Variants in IL1RAPL1 observed in about 807,000 individuals in gnomAD.
IL1RAPL1 encodes the protein interleukin 1 receptor accessory protein like 1.
Under a neutral mutation model 48.4 loss-of-function variants are expected in IL1RAPL1, and 3 were observed. The ratio of observed to expected loss-of-function variants is 0.06; its 90% confidence interval spans 0.03 to 0.16. The LOEUF (loss-of-function observed/expected upper bound fraction) is 0.16. Among genes scored for constraint, IL1RAPL1 ranks in the 10% least tolerant of loss-of-function variants. IL1RAPL1 has a pLI of 1.00. For missense variants in IL1RAPL1, 349 were observed against 530.6 expected, an observed-to-expected ratio of 0.66 and a Z score of 3.36; for synonymous variants, 185 against 187.7, an observed-to-expected ratio of 0.99 and a Z score of 0.12.
At chrX:29,399,570 C>T (rs1173969778) in intron 5 of IL1RAPL1, among the ~76,000 whole-genome samples, 1 of 111,531 alleles carries the variant, frequency 9.0e-6, no homozygotes, top group Admixed American at 9.5e-5. Flanking sequence ...CCTGTAATCC[C>T]AGCACTTTGG....
rs915371621 is a variant in IL1RAPL1, at chrX:29,251,538, T to A, written c.83-31400T>A. On this transcript the variant is annotated intron_variant, in intron 2 of 10. Coordinates refer to ENST00000378993, the MANE Select transcript of IL1RAPL1 (RefSeq NM_014271.4). ...CCATATACATCTGTCTACATAGATA[T>A]AGATTATAATGTTATATTATAGGAT... Among the ~76,000 whole-genome samples the A allele has an allele frequency of 3.6e-5, 4 of 111,472 alleles. No individual in the cohort carries two copies. The South Asian group carries it at 1.5e-3, about 42-fold the overall frequency.
At chrX:28,998,308 T>TC (rs1355959519) in intron 2 of IL1RAPL1, among the ~76,000 whole-genome samples, 1 of 111,397 alleles carries the variant, frequency 9.0e-6, no homozygotes, top group Non-Finnish European at 1.9e-5. Context: ...AAAGTGAACT[T>TC]CAACACAATT....
At chrX:28,693,627 A>G (rs1935201755) in intron 1 of IL1RAPL1, among the ~76,000 whole-genome samples, 1 of 112,271 alleles carries the variant, frequency 8.9e-6, no homozygotes, top group Non-Finnish European at 1.9e-5. Context: ...TCAAGTATTA[A>G]ATTGGATGAA....
intron 1 of IL1RAPL1, among the ~76,000 whole-genome samples, chrX:28,588,540 A>G (rs1933874398): frequency 8.9e-6 from 1 of 112,252 alleles, no homozygotes; most frequent in Admixed American, 9.4e-5. Flanking sequence ...TGCATTTCAC[A>G]GCCGCAATGG....
chrX:29,320,332 ATC>A (rs1468044859), intron 3 of IL1RAPL1, among the ~76,000 whole-genome samples: 2 of 112,238 alleles, frequency 1.8e-5, no homozygotes, highest in Non-Finnish European at 3.8e-5. Context: ...CCACTGCCTT[ATC>A]TATTAATTAT....
chrX:28,811,290 A>G (rs1460457145), intron 2 of IL1RAPL1, among the ~76,000 whole-genome samples: 1 of 111,106 alleles, frequency 9.0e-6, no homozygotes, highest in Admixed American at 9.6e-5. Context: ...GGGGCATAAT[A>G]AAGTTGCCAA....
intron 5 of IL1RAPL1, among the ~76,000 whole-genome samples, chrX:29,549,910 C>A (rs1230882868): frequency 8.9e-6 from 1 of 111,840 alleles, no homozygotes; most frequent in Non-Finnish European, 1.9e-5. Flanking sequence ...TGTTCAATCC[C>A]ACCATTTAAG....
intron 8 of IL1RAPL1, among the ~76,000 whole-genome samples, chrX:29,920,556 A>T (rs2147240183): frequency 9.1e-6 from 1 of 110,159 alleles, no homozygotes; most frequent in African/African-American, 3.3e-5. Context: ...GCACTGTGGG[A>T]GGCCAAGGCA....
chrX:29,387,765 G>A, intron 3 of IL1RAPL1, among the ~76,000 whole-genome samples: 1 of 111,253 alleles, frequency 9.0e-6, no homozygotes, highest in Non-Finnish European at 1.9e-5. Context: ...GGCCAAGGTG[G>A]GTGGATCATT....
intron 6 of IL1RAPL1, among the ~76,000 whole-genome samples, chrX:29,741,456 T>A (rs1928194725): frequency 9.0e-6 from 1 of 111,477 alleles, no homozygotes; most frequent in Non-Finnish European, 1.9e-5. Flanking sequence ...TAAACAATGC[T>A]TGGTAGGTTT....
intron 8 of IL1RAPL1, among the ~76,000 whole-genome samples, chrX:29,924,434 G>A (rs1932869538): frequency 8.9e-6 from 1 of 112,343 alleles, no homozygotes; most frequent in African/African-American, 3.2e-5. Context: ...ATTTAATGAT[G>A]ACTAAGAACC....
At chrX:28,920,384 A>C (rs1923587028) in intron 2 of IL1RAPL1, among the ~76,000 whole-genome samples, 1 of 111,986 alleles carries the variant, frequency 8.9e-6, no homozygotes, top group South Asian at 3.7e-4. Context: ...GGGTGTTTGC[A>C]GCAGAGTTGT....
intron 4 of IL1RAPL1, 48 bp downstream of exon 4, chrX:29,396,492 C>T (rs376346529): frequency 9.1e-7 from 1 of 1,096,840 alleles, no homozygotes; most frequent in African/African-American, 1.8e-5. Context: ...TTAATTGTGC[C>T]TTATATTCTG....
At chrX:29,918,153 A>AAAAAAAAAAAT (rs1569203085) in intron 7 of IL1RAPL1, among the ~76,000 whole-genome samples, 1 of 71,242 alleles carries the variant, frequency 1.4e-5, no homozygotes, top group Admixed American at 1.8e-4. Flanking sequence ...AAATATATAT[A>AAAAAAAAAAAT]TATATATATA....
intron 6 of IL1RAPL1, among the ~76,000 whole-genome samples, chrX:29,850,204 T>C (rs761215794): frequency 1.9e-4 from 21 of 112,341 alleles, no homozygotes; most frequent in Non-Finnish European, 3.6e-4. Context: ...AAATTCTTCC[T>C]TTCTGCCCAC....
At chrX:28,774,137 A>C (rs746897558) in intron 1 of IL1RAPL1, among the ~76,000 whole-genome samples, 1 of 111,623 alleles carries the variant, frequency 9.0e-6, no homozygotes, top group East Asian at 2.8e-4. Context: ...CAAGACCTCA[A>C]TCCTGAGCCC....
intron 5 of IL1RAPL1, among the ~76,000 whole-genome samples, chrX:29,608,960 T>C (rs1336301548): frequency 8.9e-6 from 1 of 112,406 alleles, no homozygotes; most frequent in Non-Finnish European, 1.9e-5. Context: ...AAGAAGGGTT[T>C]ATTTAAGAAA....
chrX:28,963,832 A>G (rs937080086), intron 2 of IL1RAPL1, among the ~76,000 whole-genome samples: 12 of 111,175 alleles, frequency 1.1e-4, no homozygotes, highest in Non-Finnish European at 2.1e-4. Context: ...TAATTGTGGT[A>G]AAATACACAA....
intron 5 of IL1RAPL1, among the ~76,000 whole-genome samples, chrX:29,550,831 G>A (rs950983202): frequency 1.8e-5 from 2 of 111,778 alleles, no homozygotes; most frequent in Non-Finnish European, 3.8e-5. Flanking sequence ...GTAAATAATC[G>A]CATAACATAA....
Sources: allele counts gnomAD v4.1 joint callset (sites outside exome capture counted in the v4.1 genomes callset), GRCh38; gene constraint gnomAD v4.1.1; transcripts MANE v1.5; gene names NCBI Gene and HGNC (gene_info 2026-07-23, HGNC 2026-07-21).